PLAC1: variants seen among roughly 807,000 people sequenced by gnomAD.
PLAC1 encodes the protein placenta-specific protein 1.
For synonymous variants in PLAC1, 68 were observed against 62.1 expected (o/e 1.09, Z -0.44); for missense variants, 136 against 163.2 (o/e 0.83, Z 0.91).
At chrX:134,568,502 T>C (rs928148505) in intron 2 of PLAC1, among the ~76,000 whole-genome samples, 1 of 112,096 alleles carries the variant, frequency 8.9e-6, no homozygotes, top group Non-Finnish European at 1.9e-5. Flanking sequence ...TGTCTTTCAC[T>C]CTGCCGTTAA....
chrX:134,625,464 G>T (rs930374888), intron 1 of PLAC1, among the ~76,000 whole-genome samples: 19 of 112,230 alleles, frequency 1.7e-4, no homozygotes, highest in African/African-American at 5.8e-4. Context: ...TTTAGGCACT[G>T]ACAAGCCCTT....
At position 134,589,983 on chromosome X, in the gene PLAC1, C is replaced by G. The variant is rs767927846; in HGVS notation, c.-59+12068G>C. ...GGCCAAGGTGGGCGGATCACAAGGT[C>G]AGGAGATCAAGACCATCCTGGCTAA... On this transcript the variant is annotated intron_variant, in intron 2 of 2. Coordinates refer to ENST00000359237, the MANE Select transcript of PLAC1 (RefSeq NM_021796.4). Among the ~76,000 whole-genome samples, 327 of 109,678 alleles carry G rather than the reference C, an allele frequency of 3.0e-3. 1 individual carries two copies. Among genetic ancestry groups the G allele is most frequent in the African/African-American group, 9.4e-3 (284 of 30,157 alleles).
At chrX:134,613,115 T>C (rs754546090) in intron 1 of PLAC1, among the ~76,000 whole-genome samples, 5 of 109,781 alleles carry the variant, frequency 4.6e-5, no homozygotes, top group Non-Finnish European at 7.6e-5. Flanking sequence ...AGCCTGGGAG[T>C]TCCAGATCAG....
chrX:134,654,288 C>T (rs1425222659), intron 1 of PLAC1, among the ~76,000 whole-genome samples: 1 of 112,135 alleles, frequency 8.9e-6, no homozygotes, highest in Non-Finnish European at 1.9e-5. Context: ...AGCCCTAGAC[C>T]TGGTTCTCCA....
At chrX:134,678,611 T>A (rs747954424) in intron 2 of PLAC1, among the ~76,000 whole-genome samples, 1 of 111,959 alleles carries the variant, frequency 8.9e-6, no homozygotes, top group Non-Finnish European at 1.9e-5. Context: ...TTATTGTCTA[T>A]CTATCTTCTA....
chrX:134,721,187 C>CAA (rs2078656210), intron 2 of PLAC1, among the ~76,000 whole-genome samples: 1 of 112,311 alleles, frequency 8.9e-6, no homozygotes, highest in Non-Finnish European at 1.9e-5. Flanking sequence ...AATAAGTACA[C>CAA]GAAAAGATGC....
intron 1 of PLAC1, among the ~76,000 whole-genome samples, chrX:134,621,242 T>C (rs964666290): frequency 2.7e-5 from 3 of 109,557 alleles, no homozygotes; most frequent in African/African-American, 1.0e-4. Context: ...GGTCTGGAGT[T>C]CAAGACCAGC....
chrX:134,570,335 G>A (rs963807514), intron 2 of PLAC1, among the ~76,000 whole-genome samples: 1 of 111,409 alleles, frequency 9.0e-6, no homozygotes, highest in Non-Finnish European at 1.9e-5. Flanking sequence ...GGGCTGTGTG[G>A]GGGTGCCCAG....
chrX:134,732,134 G>C (rs773207668), intron 2 of PLAC1, among the ~76,000 whole-genome samples: 1 of 105,524 alleles, frequency 9.5e-6, no homozygotes, highest in Non-Finnish European at 2.0e-5. Context: ...GTGGGGGCTG[G>C]TGTGTACATC....
chrX:134,598,646 G>A (rs762448081), intron 2 of PLAC1, among the ~76,000 whole-genome samples: 8 of 102,976 alleles, frequency 7.8e-5, no homozygotes, highest in South Asian at 4.0e-4. Flanking sequence ...TGAAGTGGTC[G>A]AGAAGGGTTG....
At position 134,566,104 on chromosome X, in the gene PLAC1, G is replaced by C. The variant is rs777544339; in HGVS notation, c.579C>G (p.His193Gln). 55 of 1,207,801 alleles carry C rather than the reference G, an allele frequency of 4.6e-5. No individual in the cohort carries two copies. In the South Asian group the frequency reaches 8.8e-4, roughly 19 times the overall value. ...AQEAQPLQPS[H>Q]FLDISEDWSL... ...ACCAATCCTCAGAAATATCAAGAAA[G>C]TGAGATGGCTGCAGAGGTTGAGCCT... Residue 193 changes from histidine to glutamine, a missense_variant, in exon 3 of 3, where the codon CAC (histidine) becomes CAG (glutamine). Coordinates refer to ENST00000359237, the MANE Select transcript of PLAC1 (RefSeq NM_021796.4).
At chrX:134,712,702 C>T (rs1244750068) in intron 2 of PLAC1, among the ~76,000 whole-genome samples, 2 of 111,288 alleles carry the variant, frequency 1.8e-5, no homozygotes, top group African/African-American at 3.3e-5. Context: ...TCTGAAAAGC[C>T]GTATCTACCC....
upstream of PLAC1, among the ~76,000 whole-genome samples, chrX:134,659,199 C>T (rs372713195): frequency 2.7e-4 from 30 of 110,225 alleles, no homozygotes; most frequent in African/African-American, 6.9e-4. Flanking sequence ...ACATGTACCC[C>T]GGAACTTAAA....
At chrX:134,734,513 C>A (rs936181558) in intron 1 of PLAC1, among the ~76,000 whole-genome samples, 3 of 112,204 alleles carry the variant, frequency 2.7e-5, no homozygotes, top group Non-Finnish European at 3.8e-5. Flanking sequence ...CATACAGGGG[C>A]CTTATTCACA....
intron 1 of PLAC1, among the ~76,000 whole-genome samples, chrX:134,629,591 ATTTTCC>A (rs989853773): frequency 8.1e-5 from 9 of 111,540 alleles, no homozygotes; most frequent in Admixed American, 4.8e-4. Flanking sequence ...AACAACTCAC[ATTTTCC>A]TTTTCCTTTT....
chrX:134,724,532 T>C (rs1459078366), intron 2 of PLAC1, among the ~76,000 whole-genome samples: 1 of 112,366 alleles, frequency 8.9e-6, no homozygotes, highest in African/African-American at 3.2e-5. Flanking sequence ...AAAGGGTGTT[T>C]TCCCTGATTA....
At chrX:134,603,484 C>T (rs1457265313) in intron 1 of PLAC1, among the ~76,000 whole-genome samples, 1 of 100,744 alleles carries the variant, frequency 9.9e-6, no homozygotes, top group Non-Finnish European at 2.0e-5. Flanking sequence ...ACTACAGGTG[C>T]CCGCCACCAC....
chrX:134,649,915 A>G (rs138685734), intron 1 of PLAC1, among the ~76,000 whole-genome samples: 5 of 111,659 alleles, frequency 4.5e-5, no homozygotes, highest in Admixed American at 3.8e-4. Flanking sequence ...CCCGGGGGGA[A>G]TCACAGAAAC....
In PLAC1 at chrX:134,658,335, A is replaced by C. The variant is rs761012418; in HGVS notation, c.-138T>G. On this transcript the variant is annotated 5_prime_UTR_variant, in exon 1 of 3. Transcript: ENST00000359237. ...GAGACAGACTTGACTTACCTGCCAA[A>C]TTTCCAAAGGGAAGAAGGAACTTGC... 1 of 112,704 alleles carries C rather than the reference A, an allele frequency of 8.9e-6. No individual in the cohort carries two copies. The highest frequency in any genetic ancestry group is 3.2e-5 in the African/African-American group (1 of 31,050). The allele number at this position is 112,704 out of a possible 1,213,427, so 9.3% of individuals were successfully genotyped here.
Sources: gnomAD v4.1 joint callset for allele counts (sites outside exome capture counted in the v4.1 genomes callset) on GRCh38, gnomAD v4.1.1 for gene constraint, MANE v1.5 for transcripts, NCBI Gene and HGNC (gene_info 2026-07-23, HGNC 2026-07-21) for gene names.